The following CDH18 variants were observed in gnomAD, a reference collection of about 807,000 sequenced individuals.
The protein encoded by CDH18 is cadherin-18.
Under a neutral mutation model 67.9 loss-of-function variants are expected in CDH18, and 31 were observed. The observed-to-expected ratio is 0.46, with a 90% confidence interval of 0.34 to 0.62. The LOEUF (loss-of-function observed/expected upper bound fraction) is 0.62. Ranked by LOEUF, CDH18 falls within the 20% of genes least tolerant of loss-of-function variation. CDH18 has a pLI of 0.01. For missense variants in CDH18, 890 were observed against 975.5 expected (o/e 0.91, Z 1.17); for synonymous variants, 362 against 347.2 (o/e 1.04, Z -0.48).
At chr5:19,573,284 C>G (rs917524369) in intron 7 of CDH18, among the ~76,000 whole-genome samples, 1 of 145,772 alleles carries the variant, frequency 6.9e-6, no homozygotes. Flanking sequence ...GTTGCATACT[C>G]TTTTTTTTTT....
chr5:19,751,102 T>C (rs1770784529), intron 3 of CDH18, among the ~76,000 whole-genome samples: 1 of 152,158 alleles, frequency 6.6e-6, no homozygotes. Context: ...TAGCATTAAG[T>C]AGTAACCTAT....
At chr5:19,521,569 T>A (rs1346170604) in intron 9 of CDH18, among the ~76,000 whole-genome samples, 2 of 152,114 alleles carry the variant, frequency 1.3e-5, no homozygotes, top group African/African-American at 4.8e-5. Flanking sequence ...GCAATTCAAA[T>A]TTAAATTGTA....
chr5:20,295,301 A>C (rs1223955325), intron 1 of CDH18, among the ~76,000 whole-genome samples: 1 of 152,238 alleles, frequency 6.6e-6, no homozygotes, highest in Non-Finnish European at 1.5e-5. Flanking sequence ...ACTGCCTTAG[A>C]TAATCATGGC....
At chr5:19,588,427 CTTG>C (rs1744560417) in intron 7 of CDH18, among the ~76,000 whole-genome samples, 1 of 152,014 alleles carries the variant, frequency 6.6e-6, no homozygotes, top group Non-Finnish European at 1.5e-5. Flanking sequence ...GAAAGAAAAA[CTTG>C]TTATCGGCCT....
chr5:19,965,298 A>G (rs1797316199), intron 2 of CDH18, among the ~76,000 whole-genome samples: 1 of 152,226 alleles, frequency 6.6e-6, no homozygotes, highest in African/African-American at 2.4e-5. Flanking sequence ...TTATGTGTAT[A>G]CAAGTGAATA....
chr5:20,172,214 A>ATATATACG lies in CDH18; in HGVS notation c.-518+83229_-518+83230insCGTATATA, dbSNP rs1561848553. The stretch of plus-strand genomic sequence containing the variant: ...TGTATATATATATATATATATATAT[A>ATATATACG]TATATATATGTATATATATATATAT... On this transcript the variant is annotated intron_variant, in intron 2 of 14. Coordinates refer to the CDH18 transcript ENST00000507958. 5.5e-4 allele frequency among the ~76,000 whole-genome samples: 18 copies of ATATATACG among 32,860 alleles called. 1 individual carries two copies. The East Asian group carries it at 7.8e-3, about 14-fold the overall frequency. 21.6% of individuals were successfully genotyped at this position (32,860 alleles called of 152,430 possible).
At chr5:19,707,544 A>G (rs1034993933) in intron 5 of CDH18, among the ~76,000 whole-genome samples, 38 of 152,160 alleles carry the variant, frequency 2.5e-4, no homozygotes, top group Non-Finnish European at 3.4e-4. Flanking sequence ...CATCTCACCC[A>G]CAGGAGGAAG....
intron 7 of CDH18, among the ~76,000 whole-genome samples, chr5:19,583,793 T>C (rs1306314527): frequency 1.3e-5 from 2 of 152,228 alleles, no homozygotes; most frequent in East Asian, 1.9e-4. Flanking sequence ...CTTCAAAGAG[T>C]TGAGATAATG....
Position 19,808,862 on chromosome 5 carries a change from G to GAA in CDH18, c.228+29895_228+29896dup, listed in dbSNP as rs1282621183. Among the ~76,000 whole-genome samples the GAA allele has an allele frequency of 4.2e-3, 527 of 124,988 alleles. 5 individuals carry two copies. The highest frequency in any genetic ancestry group is 0.014 in the African/African-American group (506 of 35,082). The allele number at this position is 124,988 out of a possible 152,430, so 82.0% of individuals were successfully genotyped here. The stretch of plus-strand genomic sequence containing the variant: ...AAAAAAAAAAAAAAAAAAAGGAAAA[G>GAA]AAATAGAAAATCAGTCTACAATTAG... On this transcript the variant is annotated intron_variant, in intron 3 of 12. Coordinates refer to ENST00000382275, the MANE Select transcript of CDH18 (RefSeq NM_004934.5).
chr5:20,392,598 A>T lies in CDH18; in HGVS notation c.-579-137093T>A, dbSNP rs867327927. Among the ~76,000 whole-genome samples, 3 of 152,038 alleles carry T rather than the reference A, an allele frequency of 2.0e-5. No homozygotes were observed. The South Asian group carries it at 6.2e-4, about 32-fold the overall frequency. ...GATGAGAATGCTGCAAACTTGAAAA[A>T]TTATGTAATATGCCCAAGGAGAACA... On this transcript the variant is annotated intron_variant, in intron 1 of 14. Coordinates refer to the CDH18 transcript ENST00000507958.
intron 10 of CDH18, among the ~76,000 whole-genome samples, chr5:19,504,780 T>C (rs1743827146): frequency 6.6e-6 from 1 of 152,082 alleles, no homozygotes; most frequent in African/African-American, 2.4e-5. Flanking sequence ...GACCCTATTT[T>C]CTCCATCATA....
intron 1 of CDH18, among the ~76,000 whole-genome samples, chr5:20,392,362 A>C (rs1744934293): frequency 6.6e-6 from 1 of 151,926 alleles, no homozygotes; most frequent in Non-Finnish European, 1.5e-5. Flanking sequence ...ATTCATTTTT[A>C]TGTTTAAATG....
chr5:19,571,682 A>G lies in CDH18; in HGVS notation c.1150T>C (p.Ser384Pro). The G allele has an allele frequency of 6.2e-7, 1 of 1,613,928 alleles. No individual in the cohort carries two copies. Among genetic ancestry groups the G allele is most frequent in the Non-Finnish European group, 8.5e-7 (1 of 1,179,912 alleles). Residue 384 changes from serine (S) to proline (P), a missense_variant, in exon 8 of 13, where the codon TCC (serine) becomes CCC (proline). Ser to Pro is a moderately conservative substitution (Grantham distance 74, BLOSUM62 -1). Coordinates refer to ENST00000382275, the MANE Select transcript of CDH18 (RefSeq NM_004934.5). ...VGDVDEPPLF[S>P]MPSYLMEVYE... is the part of the protein sequence containing the mutation. Reference sequence around the variant, plus strand: ...ACTTCCATGAGGTAGGAAGGCATGGAAAATAGTGGTGGTTCATCTACATCC... The same window carrying G: ...ACTTCCATGAGGTAGGAAGGCATGGGAAATAGTGGTGGTTCATCTACATCC...
intron 1 of CDH18, among the ~76,000 whole-genome samples, chr5:20,402,320 T>G (rs1413194734): frequency 6.6e-6 from 1 of 152,174 alleles, no homozygotes; most frequent in Non-Finnish European, 1.5e-5. Flanking sequence ...GAATATAAAA[T>G]CTAGATTCAC....
chr5:19,800,206 C>T (rs770164017), intron 3 of CDH18, among the ~76,000 whole-genome samples: 3 of 152,024 alleles, frequency 2.0e-5, no homozygotes, highest in Non-Finnish European at 4.4e-5. Context: ...CTGAGAAGCT[C>T]AGGAGTCAAA....
intron 1 of CDH18, among the ~76,000 whole-genome samples, chr5:20,471,831 TC>T (rs1351131858): frequency 6.3e-5 from 1 of 15,920 alleles, no homozygotes; most frequent in African/African-American, 1.4e-4. Flanking sequence ...CGAGATTCAG[TC>T]TAAAAAAAAA....
chr5:20,081,648 A>C lies in CDH18; in HGVS notation c.-517-89634T>G, dbSNP rs117737045. 2.6e-5 allele frequency among the ~76,000 whole-genome samples: 4 copies of C among 152,312 alleles called. No individual in the cohort carries two copies. The South Asian group carries it at 6.2e-4, about 24-fold the overall frequency. ...AGAATATTATGTCTTTTGCAAAAAC[A>C]TTGATGGAACTAGAGGCTATTATGC... On this transcript the variant is annotated intron_variant, in intron 2 of 14. Coordinates refer to the CDH18 transcript ENST00000507958.
In CDH18 at chr5:20,161,752, T is replaced by C. The variant is rs181036280; in HGVS notation, c.-518+93692A>G. The stretch of plus-strand genomic sequence containing the variant: ...TTTTAACTGTGAGCTCGTTTTCCAC[T>C]GAAACTTATCAACGGAAATTCTTTG... On this transcript the variant is annotated intron_variant, in intron 2 of 14. Coordinates refer to the CDH18 transcript ENST00000507958. 5.8e-4 allele frequency among the ~76,000 whole-genome samples: 88 copies of C among 152,312 alleles called. No homozygotes were observed. The South Asian group carries it at 0.016, about 28-fold the overall frequency.
At position 19,746,956 on chromosome 5, in the gene CDH18, T is replaced by C; in HGVS notation, c.509A>G (p.Glu170Gly). The C allele has an allele frequency of 6.2e-7, 1 of 1,612,574 alleles. No homozygotes were observed. Among genetic ancestry groups the C allele is most frequent in the Non-Finnish European group, 8.5e-7 (1 of 1,178,582 alleles). ...TDGPYIVTVP[E>G]MSDMGTSVLQ... ...ATTTTTCTTACCCATATCTGACATT[T>C]CAGGCACAGTAACAATGTATGGTCC... Residue 170 changes from glutamate (E) to glycine (G), a missense_variant, in exon 4 of 13, where the codon GAA (glutamate) becomes GGA (glycine). Transcript: ENST00000382275.
Sources: allele counts gnomAD v4.1 joint callset (sites outside exome capture counted in the v4.1 genomes callset), GRCh38; gene constraint gnomAD v4.1.1; transcripts MANE v1.5; gene names NCBI Gene and HGNC (gene_info 2026-07-23, HGNC 2026-07-21).